Variants in KCNG3 observed in about 807,000 individuals in gnomAD.
KCNG3 encodes the protein voltage-gated potassium channel regulatory subunit KCNG3.
KCNG3 carries 15 observed loss-of-function variants against 29.0 expected under a neutral mutation model. The ratio of observed to expected loss-of-function variants is 0.52; its 90% CI spans 0.35 to 0.80. The LOEUF (loss-of-function observed/expected upper bound fraction) is 0.80, where lower values mean the gene tolerates loss of function less well. Among genes scored for constraint, KCNG3 ranks in the 30% least tolerant of loss-of-function variants. KCNG3 has a pLI of 0.01. For missense variants in KCNG3, 512 were observed against 605.7 expected (o/e 0.85, Z 1.62); for synonymous variants, 322 against 248.9 (o/e 1.29, Z -2.76).
the KCNG3 span, among the ~76,000 whole-genome samples, chr2:42,401,520 C>A: frequency 6.6e-6 from 1 of 151,972 alleles, no homozygotes; most frequent in South Asian, 2.1e-4. Context: ...CAGCTCACTG[C>A]AGCCTCAACC....
chr2:42,480,387 G>A (rs1161500921), intron 1 of KCNG3, among the ~76,000 whole-genome samples: 1 of 152,162 alleles, frequency 6.6e-6, no homozygotes, highest in Non-Finnish European at 1.5e-5. Flanking sequence ...GTTAAGTCCA[G>A]GCCTGGGTGG....
intron 1 of KCNG3, among the ~76,000 whole-genome samples, chr2:42,446,563 C>T (rs1388873462): frequency 6.6e-6 from 1 of 152,148 alleles, no homozygotes; most frequent in African/African-American, 2.4e-5. Flanking sequence ...TCACCACTAA[C>T]TTAAACCCAA....
chr2:42,457,360 G>A (rs915434253), intron 1 of KCNG3, among the ~76,000 whole-genome samples: 1 of 151,720 alleles, frequency 6.6e-6, no homozygotes, highest in Admixed American at 6.6e-5. Flanking sequence ...CAAGCATGGG[G>A]GCACGCGCCT....
At chr2:42,414,404 T>C in the KCNG3 span, among the ~76,000 whole-genome samples, 1 of 152,214 alleles carries the variant, frequency 6.6e-6, no homozygotes, top group African/African-American at 2.4e-5. Flanking sequence ...TTTTTGGCAA[T>C]GATTTGTGCT....
chr2:42,463,037 C>T (rs1204633946), intron 1 of KCNG3: 2 of 157,434 alleles, frequency 1.3e-5, no homozygotes, highest in African/African-American at 4.8e-5. Flanking sequence ...TGAAATGTAG[C>T]AATACTTGCA....
At chr2:42,476,604 A>G (rs1373119990) in intron 1 of KCNG3, among the ~76,000 whole-genome samples, 1 of 151,940 alleles carries the variant, frequency 6.6e-6, no homozygotes, top group African/African-American at 2.4e-5. Flanking sequence ...CTCATGCCTA[A>G]GCCTCCCAAG....
chr2:42,415,141 G>A, the KCNG3 span, among the ~76,000 whole-genome samples: 2 of 152,068 alleles, frequency 1.3e-5, no homozygotes, highest in African/African-American at 2.4e-5. Flanking sequence ...TGATTTCTGT[G>A]GTGCTGTGTT....
intron 1 of KCNG3, among the ~76,000 whole-genome samples, chr2:42,488,918 A>C (rs1473566454): frequency 6.6e-6 from 1 of 152,018 alleles, no homozygotes. Flanking sequence ...AATGTTATAT[A>C]AACAATAGAT....
At chr2:42,492,132 G>A (rs1269919710) in intron 1 of KCNG3, among the ~76,000 whole-genome samples, 1 of 152,204 alleles carries the variant, frequency 6.6e-6, no homozygotes, top group Non-Finnish European at 1.5e-5. Context: ...ATTTAGGACA[G>A]TTTAGATTTT....
At chr2:42,468,760 C>CT (rs936901355) in intron 1 of KCNG3, among the ~76,000 whole-genome samples, 47 of 151,576 alleles carry the variant, frequency 3.1e-4, no homozygotes, top group African/African-American at 1.1e-3. Flanking sequence ...CAAGACCAAC[C>CT]TGGCCAAGAT....
At chr2:42,472,903 A>ATATAT (rs767058610) in intron 1 of KCNG3, among the ~76,000 whole-genome samples, 2 of 131,540 alleles carry the variant, frequency 1.5e-5, no homozygotes, top group African/African-American at 2.9e-5. Context: ...ATATATATAT[A>ATATAT]TTTTTTTTTT....
chr2:42,449,349 T>C (rs892062108), intron 1 of KCNG3, among the ~76,000 whole-genome samples: 15 of 152,162 alleles, frequency 9.9e-5, no homozygotes, highest in Non-Finnish European at 1.6e-4. Context: ...TAAATAAAGT[T>C]TTATTGGAAC....
intron 1 of KCNG3, among the ~76,000 whole-genome samples, chr2:42,449,103 A>G (rs1672682526): frequency 6.6e-6 from 1 of 152,188 alleles, no homozygotes; most frequent in African/African-American, 2.4e-5. Flanking sequence ...GGGGTCCTGG[A>G]ACCAACATCC....
rs2103622178 is a variant in KCNG3 at position 42,493,533 on chromosome 2, G to A, written c.-32C>T. On this transcript the variant is annotated 5_prime_UTR_variant, in exon 1 of 2. Coordinates refer to ENST00000306078, the MANE Select transcript of KCNG3 (RefSeq NM_133329.6). ...CCGCCCGGGGGACTTTCGGCCCGAG[G>A]GCCCCGCTGCAGCCCCCCACCCCAA... is the stretch of plus-strand genomic sequence containing the variant. The A allele has an allele frequency of 3.7e-6, 5 of 1,337,180 alleles. No individual in the cohort carries two copies. Among genetic ancestry groups the A allele is most frequent in the Middle Eastern group, 2.8e-4 (1 of 3,582 alleles). The allele number at this position is 1,337,180 out of a possible 1,614,324, so 82.8% of individuals were successfully genotyped here.
chr2:42,397,887 C>T, the KCNG3 span, among the ~76,000 whole-genome samples: 1 of 152,240 alleles, frequency 6.6e-6, no homozygotes, highest in African/African-American at 2.4e-5. Context: ...TGTAGCTAGC[C>T]ACTTAATTCT....
the KCNG3 span, among the ~76,000 whole-genome samples, chr2:42,404,847 G>C: frequency 1.3e-5 from 2 of 152,136 alleles, no homozygotes; most frequent in South Asian, 4.1e-4. Flanking sequence ...CAAAGCCATG[G>C]TTAAAACCAC....
At chr2:42,461,456 T>C (rs1306169896) in intron 1 of KCNG3, among the ~76,000 whole-genome samples, 6 of 152,058 alleles carry the variant, frequency 3.9e-5, no homozygotes, top group Non-Finnish European at 8.8e-5. Context: ...CCAGGGAGTG[T>C]GTTTTCAGAA....
chr2:42,434,708 C>T, the KCNG3 span, among the ~76,000 whole-genome samples: 1 of 142,598 alleles, frequency 7.0e-6, no homozygotes, highest in Non-Finnish European at 1.5e-5. Flanking sequence ...GAGAGACTCA[C>T]ACTTCCTGAT....
chr2:42,478,956 ATT>A (rs58327433), intron 1 of KCNG3, among the ~76,000 whole-genome samples: 49,988 of 143,278 alleles, frequency 0.35, 8,399 homozygotes, highest in East Asian at 0.68. Context: ...CAGAGTTTGA[ATT>A]TTTTTTTTTT....
Sources: gnomAD v4.1 joint callset for allele counts (sites outside exome capture counted in the v4.1 genomes callset) on GRCh38, gnomAD v4.1.1 for gene constraint, MANE v1.5 for transcripts, NCBI Gene and HGNC (gene_info 2026-07-23, HGNC 2026-07-21) for gene names.